The following ELAC2 variants were observed in gnomAD, a reference collection of about 807,000 sequenced individuals.
ELAC2 encodes elaC ribonuclease Z 2.
ELAC2 carries 92 observed loss-of-function variants against 105.2 expected under a neutral mutation model. The observed-to-expected ratio is 0.87, with a 90% CI of 0.74 to 1.04. The LOEUF is 1.04. Among genes scored for constraint, ELAC2 ranks in the 50% least tolerant of loss-of-function variants. The pLI is 0.00. For synonymous variants in ELAC2, 468 were observed against 409.1 expected, an observed-to-expected ratio of 1.14 and a Z score of -1.74; for missense variants, 1,099 against 1,071.7, an observed-to-expected ratio of 1.03 and a Z score of -0.36.
intron 23 of ELAC2, among the ~76,000 whole-genome samples, chr17:12,993,339 T>C (rs2040295869): frequency 6.6e-6 from 1 of 152,174 alleles, no homozygotes; most frequent in Admixed American, 6.5e-5. Context: ...TGCCCCTTCA[T>C]TCCGGAAGGC....
chr17:13,015,150 C>T (rs983613969), intron 4 of ELAC2, among the ~76,000 whole-genome samples: 6 of 152,190 alleles, frequency 3.9e-5, no homozygotes, highest in African/African-American at 1.4e-4. Context: ...ACCTCTCTGG[C>T]TGCTGTGTGG....
intron 11 of ELAC2, among the ~76,000 whole-genome samples, chr17:13,004,776 T>C (rs375892209): frequency 2.0e-5 from 3 of 152,214 alleles, no homozygotes; most frequent in Admixed American, 2.0e-4. Context: ...CTCAGTTGTT[T>C]CTAGTTTTCA....
chr17:12,996,226 A>T (rs948853630), intron 17 of ELAC2: 1 of 630,162 alleles, frequency 1.6e-6, no homozygotes, highest in Non-Finnish European at 2.8e-6. Context: ...CCAGGAGACC[A>T]AGGTGAGGGT....
rs865789000 is a variant in ELAC2, at chr17:13,018,016, G to A, written c.-69C>T. The A allele has an allele frequency of 4.2e-5, 65 of 1,531,992 alleles. No individual in the cohort carries two copies. Among genetic ancestry groups the A allele is most frequent in the Admixed American group, 1.4e-4 (7 of 50,762 alleles). The allele number at this position is 1,531,992 out of a possible 1,614,324, so 94.9% of individuals were successfully genotyped here. On this transcript the variant is annotated 5_prime_UTR_variant, in exon 1 of 24. Coordinates refer to ENST00000338034, the MANE Select transcript of ELAC2 (RefSeq NM_018127.7). ...GCCCGCGTTTCCCGTGCACCACCTA[G>A]CCGCTCCGCATGGCGGATCCAGCCA...
rs1321125715 is a variant in ELAC2 at position 13,016,726 on chromosome 17, G to C, written c.367+136C>G. ...GCCCAGAAGGCAAAGGTTGCAGTGA[G>C]CCAAGATCACGCCACTGACAAAAAA... is the stretch of plus-strand genomic sequence containing the variant. On this transcript the variant is annotated intron_variant, in intron 3 of 23. Coordinates refer to ENST00000338034, the MANE Select transcript of ELAC2 (RefSeq NM_018127.7). The C allele has an allele frequency of 4.7e-6, 4 of 846,882 alleles. No individual in the cohort carries two copies. In the East Asian group the frequency reaches 1.1e-4, roughly 23 times the overall value. 52.5% of individuals were successfully genotyped at this position (846,882 alleles called of 1,614,324 possible).
Position 12,992,862 on chromosome 17 carries a change from C to T in ELAC2, c.2437G>A (p.Ala813Thr), listed in dbSNP as rs751437403. The change falls in exon 24 of 24, where the codon GCC (alanine) becomes ACC (threonine). Residue 813 changes from alanine to threonine, a missense_variant. Coordinates refer to ENST00000338034, the MANE Select transcript of ELAC2 (RefSeq NM_018127.7). The part of the protein sequence containing the change: ...LEDGEPQQKR[A>T]HTEEPQAKKV... ...TTGGCCTGTGGCTCCTCTGTGTGGG[C>T]CCGCTTCTGCTGAGGCTCCCCATCC... is the stretch of plus-strand genomic sequence containing the variant. The T allele has an allele frequency of 1.9e-6, 3 of 1,613,538 alleles. No homozygotes were observed. Among genetic ancestry groups the T allele is most frequent in the Admixed American group, 1.7e-5 (1 of 60,026 alleles).
chr17:13,007,129 A>G (rs2041154258), intron 8 of ELAC2, among the ~76,000 whole-genome samples: 2 of 152,012 alleles, frequency 1.3e-5, no homozygotes. Context: ...AAAAAGAAAA[A>G]AAAAAAAACC....
chr17:13,002,680 A>T (rs1325193130), intron 12 of ELAC2, 101 bp from the exon 13 acceptor site: 9 of 1,534,132 alleles, frequency 5.9e-6, no homozygotes. Context: ...TGAGGTGTTC[A>T]AACAGTTCAG....
chr17:12,994,786 G>A lies in ELAC2; in HGVS notation c.2007C>T (p.Pro669=), dbSNP rs780790017. ...CACCCATCCGGACCAGAGCCTCGCA[G>A]GGCATGGTGTCCCCGGAATAGACCA... ...WKVVYSGDTM[P]CEALVRMGKD... Residue 669 remains proline (P), a synonymous_variant, in exon 21 of 24, where the codon CCC becomes CCT. Coordinates refer to ENST00000338034, the MANE Select transcript of ELAC2 (RefSeq NM_018127.7). 12 of 1,613,954 alleles carry A rather than the reference G, an allele frequency of 7.4e-6. No individual in the cohort carries two copies. In the South Asian group the frequency reaches 1.2e-4, roughly 16 times the overall value.
At chr17:13,014,886 T>C (rs534689861) in intron 4 of ELAC2, among the ~76,000 whole-genome samples, 3 of 152,014 alleles carry the variant, frequency 2.0e-5, no homozygotes, top group African/African-American at 4.8e-5. Context: ...TCAGTAACAA[T>C]ATAGGCAGCA....
chr17:13,005,644 GT>G, intron 10 of ELAC2, 108 bp downstream of exon 10: 1 of 1,116,818 alleles, frequency 9.0e-7, no homozygotes, highest in Admixed American at 1.7e-5. Context: ...TGTCCAAACT[GT>G]TCCACGTCCT....
chr17:12,995,893 T>C (rs747926772), intron 18 of ELAC2, 47 bp downstream of exon 18: 35 of 1,585,732 alleles, frequency 2.2e-5, no homozygotes, highest in Non-Finnish European at 2.7e-5. Context: ...TGGCGGATGA[T>C]GTGTAAACCG....
chr17:12,993,024 T>C lies in ELAC2; in HGVS notation c.2275A>G (p.Thr759Ala), dbSNP rs199998904. 145 of 1,604,086 alleles carry C rather than the reference T, an allele frequency of 9.0e-5. No homozygotes were observed. Among genetic ancestry groups the C allele is most frequent in the Non-Finnish European group, 1.2e-4 (136 of 1,178,570 alleles). Residue 759 changes from threonine to alanine, a missense_variant, in exon 24 of 24, where the codon ACA (threonine) becomes GCA (alanine). Physicochemically the swap from Thr to Ala is moderately conservative, Grantham distance 58. Coordinates refer to ENST00000338034, the MANE Select transcript of ELAC2 (RefSeq NM_018127.7). ...AGTGGGGGAATCAGCTTGGGCATTGTTGGAAAGTCTCCAAAGCAGACCTAG... is the reference window on the plus strand; with the variant it reads ...AGTGGGGGAATCAGCTTGGGCATTGCTGGAAAGTCTCCAAAGCAGACCTAG... ...HMKVCFGDFP[T>A]MPKLIPPLKA...
chr17:13,011,734 G>A lies in ELAC2; in HGVS notation c.608C>T (p.Pro203Leu). ...KHQPWQSPERPLSRLSPERSS... is the reference protein window; with the variant it reads ...KHQPWQSPERLLSRLSPERSS... ...TCGCTCTGGACTGAGCCTGCTGAGA[G>A]GCCTTTCTGGACTCTGCCATGGTTG... Residue 203 changes from proline to leucine, a missense_variant, in exon 7 of 24, where the codon CCT (proline) becomes CTT (leucine). Pro to Leu is a moderately conservative substitution (Grantham distance 98). Transcript: ENST00000338034. The A allele has an allele frequency of 6.2e-7, 1 of 1,614,144 alleles. No homozygotes were observed. Among genetic ancestry groups the A allele is most frequent in the Non-Finnish European group, 8.5e-7 (1 of 1,180,034 alleles).
At position 12,992,119 on chromosome 17, in the gene ELAC2, CTGATTGATTTGAT is replaced by C. The variant is rs1567735379; in HGVS notation, c.*686_*698del. On this transcript the variant is annotated 3_prime_UTR_variant, in exon 24 of 24. Coordinates refer to ENST00000338034, the MANE Select transcript of ELAC2 (RefSeq NM_018127.7). ...TGACACCAGCCCAGCCAGGCTCTCA[CTGATTGATTTGAT>C]TGATTGATTGATTGATTGATAGAGA... 6.9e-6 allele frequency among the ~76,000 whole-genome samples: 1 copy of C among 144,540 alleles called. No individual in the cohort carries two copies. Among genetic ancestry groups the C allele is most frequent in the Non-Finnish European group, 1.5e-5 (1 of 64,632 alleles). 94.8% of individuals were successfully genotyped at this position (144,540 alleles called of 152,430 possible).
chr17:12,995,623 A>G, intron 19 of ELAC2, 80 bp downstream of exon 19: 2 of 1,360,524 alleles, frequency 1.5e-6, no homozygotes, highest in South Asian at 1.2e-5. Flanking sequence ...ATTGGTAACT[A>G]CCCCAGTGTC....
intron 8 of ELAC2, chr17:13,006,588 T>C (rs55770576): frequency 0.067 from 10,739 of 159,252 alleles, 507 homozygotes; most frequent in African/African-American, 0.14. Context: ...ATAAATATCC[T>C]TCAAGTATCA....
In ELAC2 at chr17:13,011,721, G is replaced by C; in HGVS notation, c.621C>G (p.Leu207=). The change falls in exon 7 of 24, where the codon CTC becomes CTG. Residue 207 remains leucine, a synonymous_variant. Coordinates refer to ENST00000338034, the MANE Select transcript of ELAC2 (RefSeq NM_018127.7). ...CGGAGTCTGAAGATCGCTCTGGACTGAGCCTGCTGAGAGGCCTTTCTGGAC... is the reference window on the plus strand; with the variant it reads ...CGGAGTCTGAAGATCGCTCTGGACTCAGCCTGCTGAGAGGCCTTTCTGGAC... ...WQSPERPLSR[L]SPERSSDSES... is the part of the protein sequence containing the mutation. 2.5e-6 allele frequency: 4 copies of C among 1,614,152 alleles called. No individual in the cohort carries two copies. Among genetic ancestry groups the C allele is most frequent in the African/African-American group, 2.7e-5 (2 of 75,040 alleles).
intron 15 of ELAC2, among the ~76,000 whole-genome samples, chr17:12,999,637 T>A (rs2040660448): frequency 6.6e-6 from 1 of 150,462 alleles, no homozygotes; most frequent in East Asian, 2.0e-4. Flanking sequence ...AATGCTCTGA[T>A]TGGGTGGGAT....
Sources: gnomAD v4.1 joint callset for allele counts (sites outside exome capture counted in the v4.1 genomes callset) on GRCh38, gnomAD v4.1.1 for gene constraint, MANE v1.5 for transcripts, NCBI Gene and HGNC (gene_info 2026-07-23, HGNC 2026-07-21) for gene names.